ZFYVE28: variants seen among roughly 807,000 people sequenced by gnomAD.
ZFYVE28 encodes the protein lateral signaling target protein 2 homolog.
Under a neutral mutation model 82.1 loss-of-function variants are expected in ZFYVE28, and 40 were observed. The ratio of observed to expected loss-of-function variants is 0.49; its 90% CI spans 0.38 to 0.63. ZFYVE28 has a LOEUF of 0.63. Among genes scored for constraint, ZFYVE28 ranks in the 30% least tolerant of loss-of-function variants. The pLI is 0.00. For synonymous variants in ZFYVE28, 612 were observed against 546.1 expected, an observed-to-expected ratio of 1.12 and a Z score of -1.68; for missense variants, 1,321 against 1,242.1, an observed-to-expected ratio of 1.06 and a Z score of -0.96.
At chr4:2,271,268 C>T (rs777053525) in intron 12 of ZFYVE28, 43 bp downstream of exon 12, 2 of 1,587,958 alleles carry the variant, frequency 1.3e-6, no homozygotes, top group Admixed American at 3.4e-5. Context: ...CCGTGGACGC[C>T]CTTGGATGCT....
chr4:2,273,151 C>T (rs751930679), intron 10 of ZFYVE28, 22 bp downstream of exon 10: 1 of 1,594,752 alleles, frequency 6.3e-7, no homozygotes, highest in Non-Finnish European at 8.6e-7. Flanking sequence ...GGCCTCAGAG[C>T]CCGTCCTGAG....
At chr4:2,322,817 G>A (rs1719295095) in intron 6 of ZFYVE28, among the ~76,000 whole-genome samples, 2 of 152,156 alleles carry the variant, frequency 1.3e-5, no homozygotes, top group Non-Finnish European at 2.9e-5. Context: ...TATTCTGGGT[G>A]TTTCATATAA....
intron 7 of ZFYVE28, among the ~76,000 whole-genome samples, chr4:2,307,266 G>T (rs1292758179): frequency 6.6e-6 from 1 of 150,912 alleles, no homozygotes; most frequent in Non-Finnish European, 1.5e-5. Context: ...TTTTCTTATT[G>T]ATTGAGTTCT....
At chr4:2,340,754 AGCCTC>A (rs1157992658) in intron 3 of ZFYVE28, among the ~76,000 whole-genome samples, 1 of 152,024 alleles carries the variant, frequency 6.6e-6, no homozygotes, top group Non-Finnish European at 1.5e-5. Context: ...AACTAACCCA[AGCCTC>A]GGCAGAGGAC....
At chr4:2,365,878 G>A (rs1045719890) in intron 1 of ZFYVE28, among the ~76,000 whole-genome samples, 1 of 152,238 alleles carries the variant, frequency 6.6e-6, no homozygotes, top group Non-Finnish European at 1.5e-5. Context: ...AGGCCCTGAG[G>A]TTCAGACACT....
chr4:2,279,778 A>C (rs907077823), intron 8 of ZFYVE28, among the ~76,000 whole-genome samples: 59 of 136,628 alleles, frequency 4.3e-4, no homozygotes, highest in African/African-American at 1.7e-3. Context: ...AGACTCCTTC[A>C]AAAAAAAAAA....
intron 7 of ZFYVE28, among the ~76,000 whole-genome samples, chr4:2,309,655 T>C (rs1288693408): frequency 6.6e-6 from 1 of 152,214 alleles, no homozygotes; most frequent in African/African-American, 2.4e-5. Flanking sequence ...TTATTGCACT[T>C]GCTGGGCCAG....
At chr4:2,276,227 G>A (rs1438570429) in intron 8 of ZFYVE28, among the ~76,000 whole-genome samples, 1 of 152,222 alleles carries the variant, frequency 6.6e-6, no homozygotes, top group Non-Finnish European at 1.5e-5. Flanking sequence ...CTGAATATTT[G>A]CCGGAACGTG....
At chr4:2,331,064 G>A (rs1560214887) in intron 6 of ZFYVE28, 1 of 1,364,274 alleles carries the variant, frequency 7.3e-7, no homozygotes, top group Non-Finnish European at 9.7e-7. Flanking sequence ...GAGGAAGGCA[G>A]GGGTAGACGC....
intron 8 of ZFYVE28, among the ~76,000 whole-genome samples, chr4:2,303,745 T>C (rs1379812160): frequency 6.6e-6 from 1 of 152,140 alleles, no homozygotes; most frequent in Non-Finnish European, 1.5e-5. Flanking sequence ...CCCCTGGGAA[T>C]TTGCCCATGG....
rs1237011104 is a variant in ZFYVE28 at position 2,349,528 on chromosome 4, AT to A, written c.180+4404del. Among the ~76,000 whole-genome samples, 5 of 152,336 alleles carry A rather than the reference AT, an allele frequency of 3.3e-5. No individual in the cohort carries two copies. The East Asian group carries it at 5.8e-4, about 18-fold the overall frequency. On this transcript the variant is annotated intron_variant, in intron 2 of 12. Coordinates refer to ENST00000290974, the MANE Select transcript of ZFYVE28 (RefSeq NM_020972.3). ...AACTTAAAGTATAATAATAAAAAAAATAAAATAAATTAAAATGTAAATGAAT... is the reference window on the plus strand; with the variant it reads ...AACTTAAAGTATAATAATAAAAAAAAAAAATAAATTAAAATGTAAATGAAT...
At chr4:2,310,646 A>G (rs536999591) in intron 7 of ZFYVE28, among the ~76,000 whole-genome samples, 2 of 152,254 alleles carry the variant, frequency 1.3e-5, no homozygotes, top group South Asian at 4.2e-4. Flanking sequence ...TCTACAAAAA[A>G]TACAAAAATT....
intron 6 of ZFYVE28, among the ~76,000 whole-genome samples, chr4:2,333,495 C>CA (rs1295761201): frequency 6.6e-6 from 1 of 151,874 alleles, no homozygotes; most frequent in Non-Finnish European, 1.5e-5. Flanking sequence ...GCAGCAGACT[C>CA]AGTGTGAAAG....
At chr4:2,318,523 C>T (rs924549316) in intron 7 of ZFYVE28, among the ~76,000 whole-genome samples, 8 of 152,182 alleles carry the variant, frequency 5.3e-5, no homozygotes, top group Admixed American at 6.5e-5. Context: ...CACCACTACA[C>T]GTGGACAGTA....
chr4:2,270,670 C>T lies in ZFYVE28; in HGVS notation c.*55G>A. On this transcript the variant is annotated 3_prime_UTR_variant, in exon 13 of 13. Transcript: ENST00000290974. The stretch of plus-strand genomic sequence containing the variant: ...AGTGAGACCTGCCTGCAGCGTGGCC[C>T]CACCTTCCTGGGGGTTCCTGGCCCG... The T allele has an allele frequency of 6.2e-7, 1 of 1,608,918 alleles. No individual in the cohort carries two copies. Among genetic ancestry groups the T allele is most frequent in the South Asian group, 1.1e-5 (1 of 90,522 alleles).
At position 2,372,111 on chromosome 4, in the gene ZFYVE28, T is replaced by C. The variant is rs973578376; in HGVS notation, c.40-18038A>G. On this transcript the variant is annotated intron_variant, in intron 1 of 12. Coordinates refer to ENST00000290974, the MANE Select transcript of ZFYVE28 (RefSeq NM_020972.3). The surrounding 1 kb of genome is among the most constrained non-coding windows in gnomAD (Gnocchi z 5.2). Reference sequence around the variant, plus strand: ...GGCCGGTTCTGGTGCGCATGGCCCATGTGGACATCTGTCAGAACTGGGGAG... The same window carrying C: ...GGCCGGTTCTGGTGCGCATGGCCCACGTGGACATCTGTCAGAACTGGGGAG... Among the ~76,000 whole-genome samples the C allele has an allele frequency of 6.6e-6, 1 of 152,160 alleles. No individual in the cohort carries two copies. Among genetic ancestry groups the C allele is most frequent in the African/African-American group, 2.4e-5 (1 of 41,440 alleles).
At chr4:2,271,454 A>G (rs1482104414) in intron 11 of ZFYVE28, 40 bp from the exon 12 acceptor site, 1 of 1,598,220 alleles carries the variant, frequency 6.3e-7, no homozygotes, top group Non-Finnish European at 8.6e-7. Context: ...CGACGGCAGG[A>G]GCAGGTGGGC....
At chr4:2,387,001 T>C (rs1419086423) in intron 1 of ZFYVE28, among the ~76,000 whole-genome samples, 1 of 152,086 alleles carries the variant, frequency 6.6e-6, no homozygotes, top group Non-Finnish European at 1.5e-5. Context: ...GGCCCCAGAA[T>C]GGAGATCTCC....
rs7437490 is a variant in ZFYVE28 at position 2,402,356 on chromosome 4, T to A, written c.39+15929A>T. On this transcript the variant is annotated intron_variant, in intron 1 of 12. Transcript: ENST00000290974. ...ACCGCCCCCGCCATCAGACACCATCTCCCGCCCCGCCCGCTGCAGGAGCAG... is the reference window on the plus strand; with the variant it reads ...ACCGCCCCCGCCATCAGACACCATCACCCGCCCCGCCCGCTGCAGGAGCAG... 1.6e-4 allele frequency among the ~76,000 whole-genome samples: 25 copies of A among 152,156 alleles called. No individual in the cohort carries two copies. In the South Asian group the frequency reaches 5.0e-3, roughly 30 times the overall value.
Sources: gnomAD v4.1 joint callset for allele counts (sites outside exome capture counted in the v4.1 genomes callset) on GRCh38, gnomAD v4.1.1 for gene constraint, Gnocchi (gnomAD v3.1) non-coding constraint, MANE v1.5 for transcripts, NCBI Gene and HGNC (gene_info 2026-07-23, HGNC 2026-07-21) for gene names.